The following SCHIP1 variants were observed in gnomAD, a reference collection of about 807,000 sequenced individuals.
SCHIP1 encodes schwannomin-interacting protein 1.
SCHIP1 carries 8 observed loss-of-function variants against 29.7 expected under a neutral mutation model. The ratio of observed to expected loss-of-function variants is 0.27; its 90% CI spans 0.16 to 0.49. The LOEUF (loss-of-function observed/expected upper bound fraction) is 0.49, where lower values mean the gene tolerates loss of function less well. Among genes scored for constraint, SCHIP1 ranks in the 20% least tolerant of loss-of-function variants. The pLI is 0.99. For synonymous variants in SCHIP1, 76 were observed against 94.9 expected (o/e 0.80, Z 1.16); for missense variants, 193 against 294.6 (o/e 0.66, Z 2.52).
the SCHIP1 span, among the ~76,000 whole-genome samples, chr3:159,796,667 G>A: frequency 6.4e-3 from 978 of 152,314 alleles, 7 homozygotes; most frequent in African/African-American, 0.023. Context: ...GGCATAAGAT[G>A]CAATGCAAAG....
the SCHIP1 span, among the ~76,000 whole-genome samples, chr3:159,599,414 G>A: frequency 1.3e-5 from 2 of 152,194 alleles, no homozygotes; most frequent in Non-Finnish European, 2.9e-5. Flanking sequence ...CCCACCTCCT[G>A]CCCTTTCCCC....
the SCHIP1 span, among the ~76,000 whole-genome samples, chr3:159,424,285 A>G: frequency 3.3e-5 from 5 of 152,018 alleles, no homozygotes; most frequent in Non-Finnish European, 7.4e-5. Flanking sequence ...GAAGTTAAAA[A>G]CTTTGAAAAA....
At chr3:159,317,281 CA>C in the SCHIP1 span, among the ~76,000 whole-genome samples, 1 of 152,152 alleles carries the variant, frequency 6.6e-6, no homozygotes, top group Non-Finnish European at 1.5e-5. Flanking sequence ...AGGAGAAGCC[CA>C]AAGTGTCCAG....
the SCHIP1 span, among the ~76,000 whole-genome samples, chr3:159,473,676 A>AG: frequency 2.3e-5 from 1 of 44,112 alleles, no homozygotes; most frequent in African/African-American, 6.4e-5. Flanking sequence ...GTAACTACGA[A>AG]AAAAAAAAAA....
the SCHIP1 span, among the ~76,000 whole-genome samples, chr3:159,293,130 T>G: frequency 6.6e-6 from 1 of 152,234 alleles, no homozygotes; most frequent in African/African-American, 2.4e-5. Flanking sequence ...TTAAAACAAT[T>G]TTTTCAATTT....
At chr3:159,589,766 G>T in the SCHIP1 span, among the ~76,000 whole-genome samples, 1 of 152,134 alleles carries the variant, frequency 6.6e-6, no homozygotes, top group African/African-American at 2.4e-5. Context: ...GGACTATACT[G>T]TGAAGAAATG....
the SCHIP1 span, among the ~76,000 whole-genome samples, chr3:159,383,095 A>G: frequency 0.59 from 85,088 of 144,454 alleles, 25,938 homozygotes; most frequent in Middle Eastern, 0.67. Flanking sequence ...TTGCTGTGCA[A>G]AAGCTCTTTA....
the SCHIP1 span, among the ~76,000 whole-genome samples, chr3:159,453,330 A>G: frequency 6.6e-6 from 1 of 152,176 alleles, no homozygotes; most frequent in African/African-American, 2.4e-5. Context: ...TGATTTTTCC[A>G]GGGAGATAAG....
the SCHIP1 span, among the ~76,000 whole-genome samples, chr3:159,658,936 C>T: frequency 2.0e-5 from 3 of 152,318 alleles, no homozygotes; most frequent in Non-Finnish European, 4.4e-5. Flanking sequence ...TCTAATCCAA[C>T]AAACGTTTAC....
At chr3:159,769,093 A>C in the SCHIP1 span, among the ~76,000 whole-genome samples, 1 of 152,154 alleles carries the variant, frequency 6.6e-6, no homozygotes, top group African/African-American at 2.4e-5. Context: ...GCAGAAGTTC[A>C]TGTTTCTCTT....
intron 2 of SCHIP1, among the ~76,000 whole-genome samples, chr3:159,881,171 G>A (rs984472305): frequency 1.3e-5 from 2 of 152,160 alleles, no homozygotes; most frequent in African/African-American, 4.8e-5. Flanking sequence ...GTTTCTTCAT[G>A]ACAGATTCTC....
At chr3:159,757,312 A>AAGAGAC in the SCHIP1 span, among the ~76,000 whole-genome samples, 1 of 152,176 alleles carries the variant, frequency 6.6e-6, no homozygotes, top group Non-Finnish European at 1.5e-5. Flanking sequence ...AGCAGGCAAA[A>AAGAGAC]AGAGACCTTG....
intron 1 of SCHIP1, among the ~76,000 whole-genome samples, chr3:159,856,414 C>G (rs1388400450): frequency 6.6e-6 from 1 of 152,024 alleles, no homozygotes; most frequent in African/African-American, 2.4e-5. Flanking sequence ...CTTTCCCTGC[C>G]CCAGGAATGT....
chr3:159,598,450 G>A, the SCHIP1 span, among the ~76,000 whole-genome samples: 2 of 152,108 alleles, frequency 1.3e-5, no homozygotes, highest in African/African-American at 4.8e-5. Context: ...AAAACAAAGG[G>A]GCTATTGGCT....
chr3:159,331,206 G>A, the SCHIP1 span, among the ~76,000 whole-genome samples: 3 of 152,134 alleles, frequency 2.0e-5, no homozygotes, highest in African/African-American at 7.2e-5. Context: ...TCCTGATGGG[G>A]AGCTCTGGGA....
intron 2 of SCHIP1, among the ~76,000 whole-genome samples, chr3:159,881,875 C>T (rs1205903889): frequency 2.0e-5 from 3 of 152,186 alleles, no homozygotes; most frequent in Non-Finnish European, 4.4e-5. Flanking sequence ...CTCCGGTCAG[C>T]GAGGTGGCTG....
the SCHIP1 span, among the ~76,000 whole-genome samples, chr3:159,296,806 A>G: frequency 1.3e-5 from 2 of 152,114 alleles, no homozygotes; most frequent in African/African-American, 4.8e-5. Context: ...TTCTCTCATC[A>G]AATTTCAAGC....
the SCHIP1 span, among the ~76,000 whole-genome samples, chr3:159,513,754 G>T: frequency 6.6e-6 from 1 of 152,322 alleles, no homozygotes; most frequent in South Asian, 2.1e-4. Flanking sequence ...CTGATGCTGA[G>T]GGTCAGTGGG....
the SCHIP1 span, among the ~76,000 whole-genome samples, chr3:159,421,529 G>A: frequency 0.59 from 89,912 of 152,004 alleles, 27,658 homozygotes; most frequent in Non-Finnish European, 0.68. Flanking sequence ...GTTAAAATAT[G>A]CTTAACATTG....
Sources: allele counts gnomAD v4.1 joint callset (sites outside exome capture counted in the v4.1 genomes callset), GRCh38; gene constraint gnomAD v4.1.1; transcripts MANE v1.5; gene names NCBI Gene and HGNC (gene_info 2026-07-23, HGNC 2026-07-21).